Variants in CSMD1 observed in about 807,000 individuals in gnomAD.
CSMD1 encodes CUB and Sushi multiple domains 1.
CSMD1 carries 213 observed loss-of-function variants against 417.5 expected under a neutral mutation model. The ratio of observed to expected loss-of-function variants is 0.51; its 90% CI spans 0.46 to 0.57. The LOEUF is 0.57. Ranked by LOEUF, CSMD1 falls within the 20% of genes least tolerant of loss-of-function variation. CSMD1 has a pLI of 0.00. For synonymous variants in CSMD1, 2,862 were observed against 1,736.8 expected, an observed-to-expected ratio of 1.65 and a Z score of -16.11; for missense variants, 6,923 against 4,529.7, an observed-to-expected ratio of 1.53 and a Z score of -15.17.
intron 26 of CSMD1, among the ~76,000 whole-genome samples, chr8:3,273,708 G>C (rs1420291838): frequency 6.6e-6 from 1 of 152,158 alleles, no homozygotes; most frequent in African/African-American, 2.4e-5. Flanking sequence ...AGATTTTCTA[G>C]TTTATTTGCA....
intron 1 of CSMD1, among the ~76,000 whole-genome samples, chr8:4,799,725 G>C (rs913976788): frequency 6.7e-6 from 1 of 149,816 alleles, no homozygotes; most frequent in East Asian, 2.0e-4. Context: ...AAACAAAATT[G>C]GCATTACATG....
At chr8:4,461,799 A>G (rs903782386) in intron 2 of CSMD1, among the ~76,000 whole-genome samples, 9 of 144,210 alleles carry the variant, frequency 6.2e-5, no homozygotes, top group Admixed American at 2.1e-4. Context: ...GGAGTGCAGT[A>G]GTACGATCTC....
intron 7 of CSMD1, among the ~76,000 whole-genome samples, chr8:3,628,493 C>G (rs1796603893): frequency 6.6e-6 from 1 of 152,214 alleles, no homozygotes; most frequent in African/African-American, 2.4e-5. Context: ...TCTTGGAGAA[C>G]TTTAGCTATG....
At chr8:3,198,507 A>T (rs188640463) in intron 33 of CSMD1, among the ~76,000 whole-genome samples, 66 of 152,332 alleles carry the variant, frequency 4.3e-4, no homozygotes, top group Admixed American at 7.8e-4. Context: ...TGTAACTTAT[A>T]ACAATGTAAC....
At chr8:4,326,776 G>C (rs1356804738) in intron 3 of CSMD1, among the ~76,000 whole-genome samples, 1 of 152,000 alleles carries the variant, frequency 6.6e-6, no homozygotes, top group Admixed American at 6.6e-5. Flanking sequence ...GAGGTACGCA[G>C]AAATGGAATT....
Position 4,900,267 on chromosome 8 carries a change from C to T in CSMD1, c.85+94065G>A, listed in dbSNP as rs78539050. ...TTCACCTGCCAGTGTCACCTTCTTTCGCACTTTGAATCAGTATATGCAACT... is the reference window on the plus strand; with the variant it reads ...TTCACCTGCCAGTGTCACCTTCTTTTGCACTTTGAATCAGTATATGCAACT... On this transcript the variant is annotated intron_variant, in intron 1 of 69. Transcript: ENST00000635120. Among the ~76,000 whole-genome samples the T allele has an allele frequency of 1.0e-3, 155 of 152,288 alleles. 4 individuals carry two copies. The East Asian group carries it at 0.015, about 15-fold the overall frequency.
chr8:3,891,198 A>C (rs1450424103), intron 5 of CSMD1, among the ~76,000 whole-genome samples: 1 of 152,064 alleles, frequency 6.6e-6, no homozygotes, highest in East Asian at 1.9e-4. Context: ...GGCATGTGCC[A>C]TCATGCCTGG....
At chr8:3,808,590 T>C (rs965831927) in intron 5 of CSMD1, among the ~76,000 whole-genome samples, 56 of 152,182 alleles carry the variant, frequency 3.7e-4, no homozygotes, top group Admixed American at 3.5e-3. Flanking sequence ...TTGAAAATAA[T>C]TGCACACTGC....
rs367702822 is a variant in CSMD1, at chr8:3,216,170, A to G, written c.4673-1479T>C. On this transcript the variant is annotated intron_variant, in intron 29 of 69. Coordinates refer to ENST00000635120, the MANE Select transcript of CSMD1 (RefSeq NM_033225.6). Reference sequence around the variant, plus strand: ...CCAGTGCTCTCTAATTGCTTTGTTGAAAAGCTGTTTGGATGTTTAAAATGG... The same window carrying G: ...CCAGTGCTCTCTAATTGCTTTGTTGGAAAGCTGTTTGGATGTTTAAAATGG... Among the ~76,000 whole-genome samples the G allele has an allele frequency of 3.3e-5, 5 of 151,752 alleles. No individual in the cohort carries two copies. In the East Asian group the frequency reaches 7.7e-4, roughly 23 times the overall value.
intron 3 of CSMD1, among the ~76,000 whole-genome samples, chr8:4,114,085 CT>C (rs1399892601): frequency 2.0e-5 from 3 of 152,154 alleles, no homozygotes; most frequent in African/African-American, 7.2e-5. Flanking sequence ...ACAAAACAGC[CT>C]TATGTAGGAA....
intron 1 of CSMD1, among the ~76,000 whole-genome samples, chr8:4,869,772 C>T (rs1396198381): frequency 1.3e-5 from 2 of 152,150 alleles, no homozygotes; most frequent in South Asian, 4.1e-4. Context: ...CAAACACATT[C>T]TACTTACACA....
chr8:4,697,279 G>C, intron 1 of CSMD1, among the ~76,000 whole-genome samples: 1 of 152,074 alleles, frequency 6.6e-6, no homozygotes, highest in East Asian at 1.9e-4. Context: ...AGCAAGACAA[G>C]ATGAAAACAA....
chr8:3,662,000 C>A (rs781339138), intron 7 of CSMD1, among the ~76,000 whole-genome samples: 1 of 152,136 alleles, frequency 6.6e-6, no homozygotes, highest in East Asian at 1.9e-4. Flanking sequence ...GCTACGCAGA[C>A]CTTGATGGAA....
intron 2 of CSMD1, among the ~76,000 whole-genome samples, chr8:4,450,994 GCTA>G (rs1563188558): frequency 8.7e-5 from 13 of 148,922 alleles, no homozygotes; most frequent in African/African-American, 3.3e-4. Context: ...TGAATTGACA[GCTA>G]AGCTTTCTGT....
intron 5 of CSMD1, among the ~76,000 whole-genome samples, chr8:3,926,106 CACACA>C (rs1449134112): frequency 2.0e-5 from 1 of 51,106 alleles, no homozygotes; most frequent in African/African-American, 8.0e-5. Context: ...CACACACACA[CACACA>C]CACACACACA....
At chr8:3,551,835 G>A (rs899435059) in intron 10 of CSMD1, among the ~76,000 whole-genome samples, 2 of 152,004 alleles carry the variant, frequency 1.3e-5, no homozygotes, top group African/African-American at 2.4e-5. Flanking sequence ...GTCTAGACGT[G>A]GCTTTAGCTA....
chr8:3,126,856 A>C (rs933790097), intron 41 of CSMD1, among the ~76,000 whole-genome samples: 1 of 152,182 alleles, frequency 6.6e-6, no homozygotes, highest in Non-Finnish European at 1.5e-5. Flanking sequence ...CAGCCTGCAC[A>C]TGAAACGTGC....
intron 5 of CSMD1, among the ~76,000 whole-genome samples, chr8:3,969,051 G>C (rs987502756): frequency 3.9e-5 from 6 of 152,118 alleles, no homozygotes; most frequent in South Asian, 4.2e-4. Flanking sequence ...AGGAGTTCGA[G>C]ACCAGCCTGG....
At chr8:4,097,003 T>G (rs931090209) in intron 3 of CSMD1, among the ~76,000 whole-genome samples, 1 of 152,180 alleles carries the variant, frequency 6.6e-6, no homozygotes, top group East Asian at 1.9e-4. Context: ...GATAAAATCT[T>G]TGAAAATTAT....
Sources: gnomAD v4.1 joint callset for allele counts (sites outside exome capture counted in the v4.1 genomes callset) on GRCh38, gnomAD v4.1.1 for gene constraint, MANE v1.5 for transcripts, NCBI Gene and HGNC (gene_info 2026-07-23, HGNC 2026-07-21) for gene names.